The following NELL1 variants were observed in gnomAD, a reference collection of about 807,000 sequenced individuals.
NELL1 encodes protein kinase C-binding protein NELL1.
Under a neutral mutation model 107.4 loss-of-function variants are expected in NELL1, and 76 were observed. That is an observed-to-expected ratio of 0.71 (90% CI 0.59 to 0.86). The LOEUF is 0.86. NELL1 is among the 40% of genes least tolerant of loss of function. NELL1 has a pLI of 0.00. For missense variants in NELL1, 1,024 were observed against 1,005.5 expected, an observed-to-expected ratio of 1.02 and a Z score of -0.25; for synonymous variants, 353 against 341.2, an observed-to-expected ratio of 1.03 and a Z score of -0.38.
In NELL1 at chr11:21,199,806, C is replaced by A. The variant is rs1185941080; in HGVS notation, c.1427-29526C>A. 2.6e-5 allele frequency among the ~76,000 whole-genome samples: 4 copies of A among 151,534 alleles called. No homozygotes were observed. In the East Asian group the frequency reaches 7.8e-4, roughly 30 times the overall value. On this transcript the variant is annotated intron_variant, in intron 13 of 19. Transcript: ENST00000357134. Reference sequence around the variant, plus strand: ...ATGCTATCCCTCCCCAGCCCCCCACCCCCCAATAGGCCCTGTTGTGTGATG... The same window carrying A: ...ATGCTATCCCTCCCCAGCCCCCCACACCCCAATAGGCCCTGTTGTGTGATG...
intron 13 of NELL1, among the ~76,000 whole-genome samples, chr11:21,219,167 G>A (rs984747276): frequency 6.6e-6 from 1 of 151,936 alleles, no homozygotes; most frequent in Non-Finnish European, 1.5e-5. Flanking sequence ...TTCGATATAG[G>A]CCATTTTAAC....
At chr11:21,095,112 C>A (rs548051407) in intron 12 of NELL1, among the ~76,000 whole-genome samples, 12 of 152,210 alleles carry the variant, frequency 7.9e-5, no homozygotes, top group Non-Finnish European at 1.2e-4. Context: ...CACTGGATAC[C>A]CTAAATCATC....
chr11:21,534,579 G>A (rs1856085475), intron 16 of NELL1, 65 bp downstream of exon 16: 1 of 1,556,888 alleles, frequency 6.4e-7, no homozygotes. Flanking sequence ...GCTTGCTTTG[G>A]TACTCTGTTC....
Position 21,202,112 on chromosome 11 carries a change from G to C in NELL1, c.1427-27220G>C, listed in dbSNP as rs866375207. On this transcript the variant is annotated intron_variant, in intron 13 of 19. Coordinates refer to ENST00000357134, the MANE Select transcript of NELL1 (RefSeq NM_006157.5). ...TCTTTTTTTGTTGTATCTCTGCCAG[G>C]TTTGGTGTCAGGAGGACATTGGCCT... Among the ~76,000 whole-genome samples the C allele has an allele frequency of 2.0e-5, 3 of 152,084 alleles. No individual in the cohort carries two copies. In the East Asian group the frequency reaches 5.8e-4, roughly 29 times the overall value.
chr11:21,405,116 C>T (rs1358329803), intron 15 of NELL1, among the ~76,000 whole-genome samples: 1 of 152,002 alleles, frequency 6.6e-6, no homozygotes, highest in African/African-American at 2.4e-5. Context: ...TTATGGCTTC[C>T]GATGGCTGGG....
intron 7 of NELL1, among the ~76,000 whole-genome samples, chr11:20,926,113 C>T (rs760087566): frequency 6.6e-5 from 10 of 151,878 alleles, no homozygotes; most frequent in East Asian, 1.9e-4. Context: ...TTCTAGGAAA[C>T]GATACTTGTT....
intron 14 of NELL1, chr11:21,284,518 C>G (rs1199379701): frequency 4.4e-6 from 2 of 459,566 alleles, no homozygotes; most frequent in Non-Finnish European, 8.8e-6. Context: ...TCCCGCTATC[C>G]TCAGCTCACC....
At chr11:21,133,464 C>G (rs960779760) in intron 13 of NELL1, among the ~76,000 whole-genome samples, 4 of 152,154 alleles carry the variant, frequency 2.6e-5, no homozygotes, top group African/African-American at 9.7e-5. Flanking sequence ...CCTGCTGTCC[C>G]TGGCACCCAG....
chr11:21,407,455 A>G (rs924156954), intron 15 of NELL1, among the ~76,000 whole-genome samples: 1 of 151,848 alleles, frequency 6.6e-6, no homozygotes, highest in Non-Finnish European at 1.5e-5. Context: ...TCTTTCTAAC[A>G]TTAGCTCACC....
intron 12 of NELL1, among the ~76,000 whole-genome samples, chr11:21,090,128 C>A (rs1246571200): frequency 6.6e-6 from 1 of 152,060 alleles, no homozygotes; most frequent in East Asian, 1.9e-4. Flanking sequence ...TACAATAATA[C>A]AGAAAATAAA....
rs531552001 is a variant in NELL1, at chr11:21,554,544, T to C, written c.1787-5645T>C. Among the ~76,000 whole-genome samples, 14 of 151,924 alleles carry C rather than the reference T, an allele frequency of 9.2e-5. 1 individual carries two copies. In the South Asian group the frequency reaches 2.9e-3, roughly 32 times the overall value. On this transcript the variant is annotated intron_variant, in intron 16 of 19. Transcript: ENST00000357134. Reference sequence around the variant, plus strand: ...ACAGATTTGAGTATATTTGAGTATCTGTCCTGAAGAGATGGGAGAGTGAAA... The same window carrying C: ...ACAGATTTGAGTATATTTGAGTATCCGTCCTGAAGAGATGGGAGAGTGAAA...
At chr11:21,094,385 A>G (rs980173512) in intron 12 of NELL1, among the ~76,000 whole-genome samples, 3 of 152,196 alleles carry the variant, frequency 2.0e-5, no homozygotes, top group African/African-American at 7.2e-5. Context: ...TTCCAGGCAC[A>G]TAGTGCAAGC....
chr11:21,297,798 T>C (rs1849404612), intron 14 of NELL1, among the ~76,000 whole-genome samples: 1 of 151,928 alleles, frequency 6.6e-6, no homozygotes, highest in Non-Finnish European at 1.5e-5. Context: ...GCAGGATCTA[T>C]GAGAGGACAG....
chr11:21,359,902 T>C (rs1851031835), intron 14 of NELL1, among the ~76,000 whole-genome samples: 1 of 152,194 alleles, frequency 6.6e-6, no homozygotes, highest in African/African-American at 2.4e-5. Context: ...ATATCACTAA[T>C]GTTCTATCAA....
intron 2 of NELL1, among the ~76,000 whole-genome samples, chr11:20,766,976 T>G (rs552138175): frequency 6.6e-6 from 1 of 152,304 alleles, no homozygotes; most frequent in South Asian, 2.1e-4. Context: ...ACTCCTGGCC[T>G]CAAGTGATCT....
chr11:21,549,599 C>G (rs925399058), intron 16 of NELL1, among the ~76,000 whole-genome samples: 3 of 151,804 alleles, frequency 2.0e-5, no homozygotes, highest in African/African-American at 7.3e-5. Context: ...TAAAGAGACT[C>G]TCAGTGCAGT....
At chr11:20,786,924 T>C (rs546561811) in intron 3 of NELL1, among the ~76,000 whole-genome samples, 167 of 139,666 alleles carry the variant, frequency 1.2e-3, no homozygotes, top group Admixed American at 0.011. Context: ...AGGAGAATGG[T>C]ATGAACCCGG....
chr11:20,731,069 T>C (rs906623776), intron 2 of NELL1, among the ~76,000 whole-genome samples: 1 of 116,008 alleles, frequency 8.6e-6, no homozygotes, highest in Non-Finnish European at 1.8e-5. Context: ...TTAATCGGTA[T>C]GTATGAGTCA....
intron 14 of NELL1, among the ~76,000 whole-genome samples, chr11:21,300,498 T>C (rs1226129194): frequency 6.6e-6 from 1 of 151,888 alleles, no homozygotes; most frequent in Non-Finnish European, 1.5e-5. Flanking sequence ...ACAGATCACT[T>C]TGGCTGCTGT....
Sources: allele counts gnomAD v4.1 joint callset (sites outside exome capture counted in the v4.1 genomes callset), GRCh38; gene constraint gnomAD v4.1.1; transcripts MANE v1.5; gene names NCBI Gene and HGNC (gene_info 2026-07-23, HGNC 2026-07-21).